Variants in AGBL1 observed in about 807,000 individuals in gnomAD.
AGBL1 encodes the protein cytosolic carboxypeptidase 4.
A neutral mutation model predicts 118.9 loss-of-function variants in AGBL1; 130 were observed. The ratio of observed to expected loss-of-function variants is 1.09; its 90% confidence interval spans 0.95 to 1.26. The LOEUF is 1.26. AGBL1 is among the 50% of genes most tolerant of loss of function. The probability of loss-of-function intolerance (pLI) is 0.00; values close to 1 mark genes in which losing one functional copy is unlikely to be tolerated. For missense variants in AGBL1, 1,584 were observed against 1,298.1 expected (o/e 1.22, Z -3.38); for synonymous variants, 555 against 478.9 (o/e 1.16, Z -2.08).
intron 22 of AGBL1, among the ~76,000 whole-genome samples, chr15:86,717,849 G>A (rs1182972778): frequency 1.3e-5 from 2 of 152,168 alleles, no homozygotes; most frequent in African/African-American, 4.8e-5. Context: ...GGAGGCTGAG[G>A]CAGACAGATC....
chr15:86,509,416 G>T (rs922002864), intron 18 of AGBL1, among the ~76,000 whole-genome samples: 1 of 152,230 alleles, frequency 6.6e-6, no homozygotes, highest in South Asian at 2.1e-4. Context: ...GTTTGTGTTG[G>T]GCAGTAATAG....
At chr15:86,390,327 A>G (rs1265457214) in intron 17 of AGBL1, among the ~76,000 whole-genome samples, 1 of 152,236 alleles carries the variant, frequency 6.6e-6, no homozygotes, top group African/African-American at 2.4e-5. Context: ...TCAATAATTC[A>G]TGGAACAAGC....
intron 22 of AGBL1, among the ~76,000 whole-genome samples, chr15:86,824,500 A>G (rs970414704): frequency 2.0e-5 from 3 of 152,138 alleles, no homozygotes; most frequent in Non-Finnish European, 4.4e-5. Context: ...AGTAAAGATG[A>G]TATTTATCTC....
At position 86,252,681 on chromosome 15, in the gene AGBL1, A is replaced by G. The variant is rs77396193; in HGVS notation, c.736-4172A>G. On this transcript the variant is annotated intron_variant, in intron 7 of 22. Coordinates refer to ENST00000614907, the MANE Select transcript of AGBL1 (RefSeq NM_001386094.1). ...AATGAGGCTAGGAGAGCGTTTTGAAAAGTCTAAGAGAAACACTTGGTTTGT... is the reference window on the plus strand; with the variant it reads ...AATGAGGCTAGGAGAGCGTTTTGAAGAGTCTAAGAGAAACACTTGGTTTGT... Among the ~76,000 whole-genome samples, 89 of 152,242 alleles carry G rather than the reference A, an allele frequency of 5.8e-4. No individual in the cohort carries two copies. In the East Asian group the frequency reaches 0.012, roughly 21 times the overall value.
intron 16 of AGBL1, among the ~76,000 whole-genome samples, chr15:86,280,476 C>T (rs2079333513): frequency 6.6e-6 from 1 of 152,196 alleles, no homozygotes; most frequent in Non-Finnish European, 1.5e-5. Context: ...TTAAACCATG[C>T]AGCTTTCTGT....
chr15:86,852,094 G>A (rs1415024345), intron 22 of AGBL1, among the ~76,000 whole-genome samples: 2 of 152,024 alleles, frequency 1.3e-5, no homozygotes, highest in East Asian at 1.9e-4. Flanking sequence ...TATACTACCC[G>A]ACACTGAGTA....
At chr15:86,364,930 C>A (rs2080857693) in intron 17 of AGBL1, among the ~76,000 whole-genome samples, 1 of 143,010 alleles carries the variant, frequency 7.0e-6, no homozygotes, top group Non-Finnish European at 1.5e-5. Context: ...AGACAGCCTG[C>A]AGGAGCCGCA....
At chr15:86,174,860 T>A (rs910152798) in intron 5 of AGBL1, among the ~76,000 whole-genome samples, 1 of 152,150 alleles carries the variant, frequency 6.6e-6, no homozygotes, top group Non-Finnish European at 1.5e-5. Context: ...TTGATCATGG[T>A]ATATTATCTT....
chr15:86,824,931 C>T (rs2078986799), intron 22 of AGBL1, among the ~76,000 whole-genome samples: 2 of 152,098 alleles, frequency 1.3e-5, no homozygotes, highest in South Asian at 4.1e-4. Context: ...GTGGTGCACA[C>T]CTGTAATCCC....
At chr15:86,962,776 T>G (rs1255410445) in intron 23 of AGBL1, among the ~76,000 whole-genome samples, 1 of 152,108 alleles carries the variant, frequency 6.6e-6, no homozygotes, top group African/African-American at 2.4e-5. Flanking sequence ...ACTGTGGATC[T>G]TGTTAGAAAT....
intron 18 of AGBL1, among the ~76,000 whole-genome samples, chr15:86,507,121 G>A (rs1463316258): frequency 1.3e-5 from 2 of 151,950 alleles, no homozygotes. Flanking sequence ...AGCTACTAAT[G>A]ATAAAGCCCT....
chr15:86,161,750 T>C (rs1031112900), intron 5 of AGBL1, among the ~76,000 whole-genome samples: 2 of 152,228 alleles, frequency 1.3e-5, no homozygotes, highest in Non-Finnish European at 2.9e-5. Flanking sequence ...GCTACCTTGT[T>C]TTCTATCTTA....
At chr15:86,249,373 G>A (rs1286611159) in intron 7 of AGBL1, among the ~76,000 whole-genome samples, 1 of 152,090 alleles carries the variant, frequency 6.6e-6, no homozygotes, top group Non-Finnish European at 1.5e-5. Context: ...GGTATCTGGA[G>A]ACATTTCTCA....
intron 22 of AGBL1, among the ~76,000 whole-genome samples, chr15:86,719,913 C>G (rs2086691659): frequency 6.6e-6 from 1 of 152,184 alleles, no homozygotes; most frequent in African/African-American, 2.4e-5. Flanking sequence ...TTCTGTGACA[C>G]TTCTTTCCAG....
intron 22 of AGBL1, among the ~76,000 whole-genome samples, chr15:86,836,877 A>G (rs1567199422): frequency 1.3e-5 from 2 of 152,186 alleles, no homozygotes; most frequent in Non-Finnish European, 2.9e-5. Context: ...TCCCTGTAAC[A>G]TCACTCTTTT....
intron 17 of AGBL1, chr15:86,299,597 G>A (rs1335330652): frequency 6.6e-6 from 1 of 152,106 alleles, no homozygotes; most frequent in Admixed American, 6.5e-5. Context: ...GGCTTGGTAG[G>A]CACGATCAGT....
At chr15:86,449,404 A>G (rs1441986238) in intron 18 of AGBL1, among the ~76,000 whole-genome samples, 4 of 152,242 alleles carry the variant, frequency 2.6e-5, no homozygotes, top group Non-Finnish European at 5.9e-5. Flanking sequence ...GAGATCTTCA[A>G]TTGGTAGAAT....
At chr15:86,637,432 T>A (rs2085115322) in intron 21 of AGBL1, among the ~76,000 whole-genome samples, 1 of 151,904 alleles carries the variant, frequency 6.6e-6, no homozygotes. Flanking sequence ...GAAGAACAGA[T>A]GAAGGTGAAT....
intron 19 of AGBL1, among the ~76,000 whole-genome samples, chr15:86,534,563 C>G (rs1008801252): frequency 1.3e-5 from 2 of 152,130 alleles, no homozygotes; most frequent in Admixed American, 6.6e-5. Flanking sequence ...TCTTGTGACT[C>G]CATTCCCATT....
Sources: gnomAD v4.1 joint callset for allele counts (sites outside exome capture counted in the v4.1 genomes callset) on GRCh38, gnomAD v4.1.1 for gene constraint, MANE v1.5 for transcripts, NCBI Gene and HGNC (gene_info 2026-07-23, HGNC 2026-07-21) for gene names.